The following LRCH2 variants were observed in gnomAD, a reference collection of about 807,000 sequenced individuals.
LRCH2 encodes the protein leucine rich repeats and calponin homology domain containing 2.
LRCH2 carries 38 observed loss-of-function variants against 68.9 expected under a neutral mutation model. The observed-to-expected ratio is 0.55, with a 90% CI of 0.43 to 0.72. The LOEUF is 0.72. Ranked by LOEUF, LRCH2 falls within the 30% of genes least tolerant of loss-of-function variation. The pLI, the probability that LRCH2 is intolerant of heterozygous loss-of-function variation, is 0.00. For synonymous variants in LRCH2, 191 were observed against 208.1 expected (o/e 0.92, Z 0.71); for missense variants, 528 against 572.9 (o/e 0.92, Z 0.80).
intron 1 of LRCH2, among the ~76,000 whole-genome samples, chrX:115,199,373 T>A (rs985338870): frequency 1.8e-5 from 2 of 112,257 alleles, no homozygotes; most frequent in African/African-American, 6.5e-5. Context: ...AAATAGATTT[T>A]AAAAACATAA....
Position 115,188,337 on chromosome X carries a change from G to A in LRCH2, c.383C>T (p.Ser128Phe), listed in dbSNP as rs781954381. The A allele has an allele frequency of 1.7e-6, 2 of 1,189,139 alleles. No individual in the cohort carries two copies. The highest frequency in any genetic ancestry group is 2.3e-6 in the Non-Finnish European group (2 of 884,819). The change falls in exon 2 of 21, where the codon TCT becomes TTT. Residue 128 changes from serine to phenylalanine, a missense_variant. Physicochemically the swap from Ser to Phe is radical, Grantham distance 155. Coordinates refer to ENST00000317135, the MANE Select transcript of LRCH2 (RefSeq NM_020871.4). ...LSRNRFTEIP[S>F]DVWLFAPLET... ...AAGGGGTGCAAATAACCAGACATCA[G>A]AAGGAATTTCTGTAAAACGATTTCT...
intron 11 of LRCH2, among the ~76,000 whole-genome samples, chrX:115,160,070 C>A (rs1481485174): frequency 7.2e-5 from 8 of 111,362 alleles, no homozygotes; most frequent in Non-Finnish European, 1.5e-4. Context: ...GTAATCCCAG[C>A]ACTTTGGGAG....
At chrX:115,191,618 A>G in intron 1 of LRCH2, 1 of 1,088,005 alleles carries the variant, frequency 9.2e-7, no homozygotes, top group Non-Finnish European at 1.2e-6. Flanking sequence ...CGCTCGCCTG[A>G]CACCTACAGC....
intron 12 of LRCH2, among the ~76,000 whole-genome samples, chrX:115,151,365 C>T (rs1336914765): frequency 9.1e-6 from 1 of 109,979 alleles, no homozygotes; most frequent in African/African-American, 3.3e-5. Flanking sequence ...CCTGATTGAT[C>T]ACGTGTAAAA....
chrX:115,165,594 T>A lies in LRCH2; in HGVS notation c.1260A>T (p.Gly420=). ...NTEDVAVPEQ[G]NAHIGSFVSF... ...ATACAAATGATCCAATATGTGCATT[T>A]CCCTGTTCAGGAACTGCTACATCTT... The change falls in exon 9 of 21, where the codon GGA becomes GGT. Residue 420 remains glycine, a synonymous_variant. Transcript: ENST00000317135. 1 of 1,169,878 alleles carries A rather than the reference T, an allele frequency of 8.5e-7. No individual in the cohort carries two copies. Among genetic ancestry groups the A allele is most frequent in the Non-Finnish European group, 1.1e-6 (1 of 872,677 alleles).
At chrX:115,161,380 GATCAT>G (rs2072518187) in intron 11 of LRCH2, among the ~76,000 whole-genome samples, 2 of 110,947 alleles carry the variant, frequency 1.8e-5, no homozygotes, top group Non-Finnish European at 3.8e-5. Flanking sequence ...TTTACTTTAT[GATCAT>G]ATTATAAATA....
In LRCH2 at chrX:115,171,783, C is replaced by T. The variant is rs782637187; in HGVS notation, c.865-1351G>A. 4.6e-5 allele frequency among the ~76,000 whole-genome samples: 5 copies of T among 108,990 alleles called. No individual in the cohort carries two copies. In the South Asian group the frequency reaches 2.0e-3, roughly 45 times the overall value. 94.6% of individuals were successfully genotyped at this position (108,990 alleles called of 115,157 possible). A position where few individuals can be genotyped will look rare whatever the true frequency, so the allele number is the denominator to read the frequency against. ...CTCACTGCACCCTCGACATCCTGGGCTCAAGTGATCCTCCCAGATTAGCTG... is the reference window on the plus strand; with the variant it reads ...CTCACTGCACCCTCGACATCCTGGGTTCAAGTGATCCTCCCAGATTAGCTG... On this transcript the variant is annotated intron_variant, in intron 5 of 20. Transcript: ENST00000317135.
chrX:115,216,955 T>C (rs1462329284), intron 1 of LRCH2, among the ~76,000 whole-genome samples: 1 of 111,714 alleles, frequency 9.0e-6, no homozygotes, highest in Non-Finnish European at 1.9e-5. Context: ...AGGAAGGTTA[T>C]CTATGAAAAA....
intron 11 of LRCH2, among the ~76,000 whole-genome samples, chrX:115,161,547 C>G (rs1556541707): frequency 9.0e-6 from 1 of 111,484 alleles, no homozygotes; most frequent in African/African-American, 3.3e-5. Flanking sequence ...TTGCATACAT[C>G]TTGAAGAACA....
chrX:115,182,958 A>G (rs1325367022), intron 3 of LRCH2, among the ~76,000 whole-genome samples: 1 of 110,555 alleles, frequency 9.0e-6, no homozygotes, highest in Non-Finnish European at 1.9e-5. Flanking sequence ...CCCAGGCCCA[A>G]TGGAAAAAAA....
In LRCH2 at chrX:115,165,964, A is replaced by G. The variant is rs951306493; in HGVS notation, c.1087-12T>C. On this transcript the variant is annotated splice_polypyrimidine_tract_variant and intron_variant, in intron 7 of 20. Coordinates refer to ENST00000317135, the MANE Select transcript of LRCH2 (RefSeq NM_020871.4). Reference sequence around the variant, plus strand: ...TCATCATCTGATGGCTAAAAGGAATAAGCAAAAAGTACAAATGAGGCATTT... The same window carrying G: ...TCATCATCTGATGGCTAAAAGGAATGAGCAAAAAGTACAAATGAGGCATTT... The G allele has an allele frequency of 7.4e-6, 8 of 1,083,561 alleles. No homozygotes were observed. Among genetic ancestry groups the G allele is most frequent in the Non-Finnish European group, 1.0e-5 (8 of 800,761 alleles). The allele number at this position is 1,083,561 out of a possible 1,213,427, so 89.3% of individuals were successfully genotyped here.
At chrX:115,134,093 T>C (rs2072268839) in intron 14 of LRCH2, among the ~76,000 whole-genome samples, 1 of 111,687 alleles carries the variant, frequency 9.0e-6, no homozygotes, top group Admixed American at 9.5e-5. Flanking sequence ...AAAGTTTGAG[T>C]GGTCTGGATA....
intron 1 of LRCH2, chrX:115,191,612 C>CACCCAAT (rs2072823849): frequency 9.2e-7 from 1 of 1,085,847 alleles, no homozygotes; most frequent in Non-Finnish European, 1.2e-6. Flanking sequence ...GGAGGCCGCT[C>CACCCAAT]GCCTGACACC....
At position 115,122,911 on chromosome X, in the gene LRCH2, G is replaced by A. The variant is rs1556526509; in HGVS notation, c.1963-14C>T. ...GGATTCAAGATTCTATAGAAAAACA[G>A]GTATAAATCAGATACTCTATCTAAA... On this transcript the variant is annotated splice_polypyrimidine_tract_variant and intron_variant, in intron 18 of 20. Coordinates refer to ENST00000317135, the MANE Select transcript of LRCH2 (RefSeq NM_020871.4). 1 of 1,186,620 alleles carries A rather than the reference G, an allele frequency of 8.4e-7. No individual in the cohort carries two copies. The highest frequency in any genetic ancestry group is 1.8e-5 in the South Asian group (1 of 54,248).
In LRCH2 at chrX:115,161,564, G is replaced by GT. The variant is rs2072519314; in HGVS notation, c.1463+2111dup. On this transcript the variant is annotated intron_variant, in intron 11 of 20. Coordinates refer to ENST00000317135, the MANE Select transcript of LRCH2 (RefSeq NM_020871.4). ...GCATACATCTTGAAGAACAGCAGAA[G>GT]TTTTTTTTAGGGAGAACATATAATT... Among the ~76,000 whole-genome samples, 4 of 110,984 alleles carry GT rather than the reference G, an allele frequency of 3.6e-5. No individual in the cohort carries two copies. The South Asian group carries it at 1.5e-3, about 42-fold the overall frequency.
chrX:115,227,269 G>A (rs1200441467), intron 1 of LRCH2, among the ~76,000 whole-genome samples: 1 of 106,933 alleles, frequency 9.4e-6, no homozygotes, highest in African/African-American at 3.4e-5. Flanking sequence ...CATAGCCAGG[G>A]CAACATAGCA....
At chrX:115,182,409 A>AT (rs1348870688) in intron 3 of LRCH2, among the ~76,000 whole-genome samples, 1 of 111,946 alleles carries the variant, frequency 8.9e-6, no homozygotes, top group Non-Finnish European at 1.9e-5. Context: ...ATCTCTGTTC[A>AT]TTTTTTAGTA....
intron 16 of LRCH2, among the ~76,000 whole-genome samples, chrX:115,125,483 A>G (rs1456182414): frequency 0.38 from 59 of 157 alleles, 13 homozygotes; most frequent in East Asian, 0.5. Flanking sequence ...ATATATATAT[A>G]TATATATATA....
chrX:115,169,069 T>C (rs1249937416), intron 6 of LRCH2, among the ~76,000 whole-genome samples: 1 of 112,369 alleles, frequency 8.9e-6, no homozygotes, highest in Non-Finnish European at 1.9e-5. Context: ...CTGCCTAAGA[T>C]GCTCTTACTT....
Sources: gnomAD v4.1 joint callset for allele counts (sites outside exome capture counted in the v4.1 genomes callset) on GRCh38, gnomAD v4.1.1 for gene constraint, MANE v1.5 for transcripts, NCBI Gene and HGNC (gene_info 2026-07-23, HGNC 2026-07-21) for gene names.